DHRSX: variants seen among roughly 807,000 people sequenced by gnomAD.
DHRSX encodes the protein dehydrogenase/reductase X-linked.
DHRSX carries 31 observed loss-of-function variants against 34.0 expected under a neutral mutation model. The observed-to-expected ratio is 0.91, with a 90% CI of 0.69 to 1.23. The LOEUF (loss-of-function observed/expected upper bound fraction) is 1.23, where lower values mean the gene tolerates loss of function less well. Ranked by LOEUF, DHRSX falls within the 50% of genes most tolerant of loss-of-function variation. The probability of loss-of-function intolerance (pLI) is 0.00; values close to 1 mark genes in which losing one functional copy is unlikely to be tolerated. For synonymous variants in DHRSX, 201 were observed against 183.8 expected (o/e 1.09, Z -0.76); for missense variants, 414 against 428.1 (o/e 0.97, Z 0.29).
At chrX:2,382,434 A>T (rs1441326448) in intron 3 of DHRSX, among the ~76,000 whole-genome samples, 1 of 152,106 alleles carries the variant, frequency 6.6e-6, no homozygotes, top group African/African-American at 2.4e-5. Flanking sequence ...AACAGCAATC[A>T]TTACCATTTT....
chrX:2,330,632 GGAAGGAGAAGAAACGAAAGAAGAT>G (rs2042457429), intron 3 of DHRSX, among the ~76,000 whole-genome samples: 1 of 149,820 alleles, frequency 6.7e-6, no homozygotes, highest in African/African-American at 2.5e-5. Flanking sequence ...GGAGAGAAAG[GGAAGGAGAAGAAACGAAAGAAGAT>G]GAAGGAGAAG....
At position 2,365,089 on chromosome X, in the gene DHRSX, T is replaced by C. The variant is rs2042981701; in HGVS notation, c.286+43656A>G. 2.6e-5 allele frequency among the ~76,000 whole-genome samples: 4 copies of C among 152,102 alleles called. No homozygotes were observed. In the South Asian group the frequency reaches 6.2e-4, roughly 24 times the overall value. On this transcript the variant is annotated intron_variant, in intron 3 of 6. Coordinates refer to ENST00000334651, the MANE Select transcript of DHRSX (RefSeq NM_145177.3). ...GTAATAACAATGCCTGCCTCAAAAA[T>C]TGACAAATGAGATCTCATTAAACTA...
chrX:2,229,909 A>G (rs1310546614), intron 6 of DHRSX, among the ~76,000 whole-genome samples: 1 of 152,124 alleles, frequency 6.6e-6, no homozygotes, highest in African/African-American at 2.4e-5. Context: ...GAGTACATGT[A>G]CGTACATGCA....
intron 1 of DHRSX, chrX:2,489,136 G>A (rs372438597): frequency 5.9e-5 from 96 of 1,613,594 alleles, no homozygotes; most frequent in Admixed American, 3.3e-4. Context: ...GCTTCTTGAC[G>A]GGAGGCTCCT....
At chrX:2,359,393 A>C (rs1173134031) in intron 3 of DHRSX, among the ~76,000 whole-genome samples, 4 of 152,282 alleles carry the variant, frequency 2.6e-5, no homozygotes, top group Admixed American at 2.6e-4. Flanking sequence ...AATATGGTAC[A>C]TAGGCCAGGT....
chrX:2,260,311 G>A (rs572473832), intron 5 of DHRSX, among the ~76,000 whole-genome samples: 5 of 151,566 alleles, frequency 3.3e-5, no homozygotes, highest in African/African-American at 1.2e-4. Flanking sequence ...GTATCTGTGA[G>A]GGTGGAGGGG....
intron 3 of DHRSX, among the ~76,000 whole-genome samples, chrX:2,358,096 C>G (rs987628163): frequency 3.3e-5 from 5 of 152,094 alleles, no homozygotes; most frequent in African/African-American, 9.7e-5. Flanking sequence ...ACCTGTTGTT[C>G]TAATTTAATT....
chrX:2,282,581 A>AGAGAGAGGAGAAAGAGGG lies in DHRSX; in HGVS notation c.388+8920_388+8921insCCCTCTTTCTCCTCTCTC, dbSNP rs2041722290. On this transcript the variant is annotated intron_variant, in intron 4 of 6. Transcript: ENST00000334651. ...GTGTGCGAGAGGGAAACAGAAAGGG[A>AGAGAGAGGAGAAAGAGGG]GAGAGAGAAGAAAGAGGGGAGAGAG... Among the ~76,000 whole-genome samples the AGAGAGAGGAGAAAGAGGG allele has an allele frequency of 4.0e-5, 4 of 100,160 alleles. No homozygotes were observed. The East Asian group carries it at 8.8e-4, about 22-fold the overall frequency. The allele number at this position is 100,160 out of a possible 152,430, so 65.7% of individuals were successfully genotyped here.
chrX:2,315,110 A>G (rs1303688351), intron 3 of DHRSX, among the ~76,000 whole-genome samples: 2 of 151,958 alleles, frequency 1.3e-5, no homozygotes, highest in Non-Finnish European at 2.9e-5. Flanking sequence ...GTGAGCTGAG[A>G]TCACGCCATA....
Position 2,220,740 on chromosome X carries a change from G to T in DHRSX, c.*301C>A. The T allele has an allele frequency of 5.0e-6, 2 of 396,982 alleles. No homozygotes were observed. The highest frequency in any genetic ancestry group is 9.0e-6 in the Non-Finnish European group (2 of 222,120). 24.6% of individuals were successfully genotyped at this position (396,982 alleles called of 1,614,324 possible). The stretch of plus-strand genomic sequence containing the variant: ...AACTTTTGTACTCAGTTGTATTAAC[G>T]CGGCAAGGAAAATGGCACATTTATG... On this transcript the variant is annotated 3_prime_UTR_variant, in exon 7 of 7. Coordinates refer to ENST00000334651, the MANE Select transcript of DHRSX (RefSeq NM_145177.3).
In DHRSX at chrX:2,220,601, C is replaced by T. The variant is rs183943201; in HGVS notation, c.*440G>A. On this transcript the variant is annotated 3_prime_UTR_variant, in exon 7 of 7. Coordinates refer to ENST00000334651, the MANE Select transcript of DHRSX (RefSeq NM_145177.3). ...CATGTCTGACACCTGTGAATCACAG[C>T]TGGGTCTCTGGAAAAATGAGTGAGT... The T allele has an allele frequency of 4.5e-4, 74 of 162,950 alleles. No homozygotes were observed. The highest frequency in any genetic ancestry group is 7.3e-4 in the Non-Finnish European group (55 of 74,968). 10.1% of individuals were successfully genotyped at this position (162,950 alleles called of 1,614,324 possible).
chrX:2,448,959 C>T (rs1162316199), intron 1 of DHRSX, among the ~76,000 whole-genome samples: 3 of 152,112 alleles, frequency 2.0e-5, no homozygotes, highest in South Asian at 2.1e-4. Flanking sequence ...GAGGCTGAGG[C>T]GGGTGGATCA....
chrX:2,409,242 T>C (rs1252377333), intron 2 of DHRSX, among the ~76,000 whole-genome samples: 1 of 152,204 alleles, frequency 6.6e-6, no homozygotes, highest in Non-Finnish European at 1.5e-5. Context: ...TCACAGACCG[T>C]GGTTCCTACT....
At chrX:2,345,280 G>A (rs1405316600) in intron 3 of DHRSX, among the ~76,000 whole-genome samples, 12 of 151,934 alleles carry the variant, frequency 7.9e-5, no homozygotes, top group South Asian at 4.1e-4. Context: ...GATAAATATC[G>A]AAATCAGGAG....
intron 1 of DHRSX, among the ~76,000 whole-genome samples, chrX:2,494,680 A>G (rs1398177663): frequency 6.6e-6 from 1 of 151,934 alleles, no homozygotes; most frequent in African/African-American, 2.4e-5. Context: ...CCTGGACCAA[A>G]GGTCTGTTTT....
chrX:2,303,239 C>T (rs73628286), intron 3 of DHRSX, among the ~76,000 whole-genome samples: 9,672 of 152,118 alleles, frequency 0.064, 446 homozygotes, highest in African/African-American at 0.12. Context: ...CACTGGCTTG[C>T]GAGGTGGTGA....
intron 3 of DHRSX, among the ~76,000 whole-genome samples, chrX:2,407,085 T>A (rs1187287519): frequency 6.6e-6 from 1 of 152,032 alleles, no homozygotes; most frequent in African/African-American, 2.4e-5. Context: ...TATGCAGCCA[T>A]GAAAAAGGAG....
chrX:2,359,457 C>T (rs1028401952), intron 3 of DHRSX, among the ~76,000 whole-genome samples: 17 of 152,108 alleles, frequency 1.1e-4, no homozygotes, highest in Non-Finnish European at 2.2e-4. Context: ...GCGGGTGGAT[C>T]GCGAGGTCAG....
chrX:2,322,365 G>A (rs1343214247), intron 3 of DHRSX, among the ~76,000 whole-genome samples: 3 of 151,766 alleles, frequency 2.0e-5, no homozygotes, highest in Non-Finnish European at 4.4e-5. Flanking sequence ...CCTGACCAAC[G>A]TGGTGAAACC....
Sources: gnomAD v4.1 joint callset for allele counts (sites outside exome capture counted in the v4.1 genomes callset) on GRCh38, gnomAD v4.1.1 for gene constraint, MANE v1.5 for transcripts, NCBI Gene and HGNC (gene_info 2026-07-23, HGNC 2026-07-21) for gene names.